Variants in DLGAP3 observed in about 807,000 individuals in gnomAD.
DLGAP3 encodes DLG associated protein 3.
A neutral mutation model predicts 81.2 loss-of-function variants in DLGAP3; 17 were observed. The observed-to-expected ratio is 0.21, with a 90% confidence interval of 0.14 to 0.31. DLGAP3 has a LOEUF of 0.31. DLGAP3 is among the 10% of genes least tolerant of loss of function. DLGAP3 has a pLI of 1.00. For missense variants in DLGAP3, 1,124 were observed against 1,388.0 expected, an observed-to-expected ratio of 0.81 and a Z score of 3.02; for synonymous variants, 577 against 587.4, an observed-to-expected ratio of 0.98 and a Z score of 0.26.
chr1:34,922,526 A>G (rs1051084748), intron 1 of DLGAP3, among the ~76,000 whole-genome samples: 1 of 150,982 alleles, frequency 6.6e-6, no homozygotes, highest in African/African-American at 2.4e-5. Flanking sequence ...TAAGCACACC[A>G]CACACACACA....
At chr1:34,907,832 G>T (rs1318422630) in intron 1 of DLGAP3, among the ~76,000 whole-genome samples, 1 of 152,144 alleles carries the variant, frequency 6.6e-6, no homozygotes, top group Non-Finnish European at 1.5e-5. Context: ...TCCTCGAGGG[G>T]TTTATAGTCT....
chr1:34,873,858 AGGAT>A lies in DLGAP3; in HGVS notation c.2001-4773_2001-4770del, dbSNP rs1383698168. Among the ~76,000 whole-genome samples the A allele has an allele frequency of 1.3e-5, 2 of 151,590 alleles. No individual in the cohort carries two copies. Among genetic ancestry groups the A allele is most frequent in the Non-Finnish European group, 2.9e-5 (2 of 67,970 alleles). ...TTGGTTGGTTGGTTGGTTGGAAGGA[AGGAT>A]GGTAGAGACCACTAACTGTCTTCCA... is the stretch of plus-strand genomic sequence containing the variant. On this transcript the variant is annotated intron_variant, in intron 8 of 11. Coordinates refer to ENST00000373347, the MANE Select transcript of DLGAP3 (RefSeq NM_001080418.3). This position sits in a 1 kb window ranked among gnomAD's most constrained non-coding sequence, Gnocchi z 4.2.
chr1:34,867,571 C>T lies in DLGAP3; in HGVS notation c.2542G>A (p.Val848Ile), dbSNP rs776457680. Reference protein sequence around the residue: ...GSTQLLLSQKVQQFFRLCQQS... With the variant: ...GSTQLLLSQKIQQFFRLCQQS... The stretch of plus-strand genomic sequence containing the variant: ...TGACACAGCCGGAAGAACTGCTGAA[C>T]CTTCTGGGACAGGAGAAGTTGTGTG... Residue 848 changes from valine to isoleucine, a missense_variant, in exon 10 of 12, where the codon GTT (valine) becomes ATT (isoleucine). This residue lies in a region of DLGAP3 where 5 missense variants were observed against 29.5 expected (regional missense o/e 0.17). Coordinates refer to ENST00000373347, the MANE Select transcript of DLGAP3 (RefSeq NM_001080418.3). This position sits in a 1 kb window ranked among gnomAD's most constrained non-coding sequence, Gnocchi z 4.3. 1.2e-6 allele frequency: 2 copies of T among 1,614,160 alleles called. No homozygotes were observed. Among genetic ancestry groups the T allele is most frequent in the Non-Finnish European group, 1.7e-6 (2 of 1,179,980 alleles).
At chr1:34,899,614 T>C in intron 5 of DLGAP3, 55 bp downstream of exon 5, 3 of 1,433,300 alleles carry the variant, frequency 2.1e-6, no homozygotes, top group South Asian at 1.1e-5. Flanking sequence ...AAGCTGAGCA[T>C]GGGACTGAAT....
chr1:34,897,448 C>T (rs1277114685), intron 5 of DLGAP3, among the ~76,000 whole-genome samples: 3 of 152,064 alleles, frequency 2.0e-5, no homozygotes, highest in Non-Finnish European at 2.9e-5. Context: ...GGGAAGGGGA[C>T]ATCCAGGCAA....
In DLGAP3 at chr1:34,885,027, T is replaced by C. The variant is rs1462730790; in HGVS notation, c.1951A>G (p.Ser651Gly). 6.2e-7 allele frequency: 1 copy of C among 1,613,354 alleles called. No individual in the cohort carries two copies. Among genetic ancestry groups the C allele is most frequent in the Non-Finnish European group, 8.5e-7 (1 of 1,179,914 alleles). The change falls in exon 8 of 12, where the codon AGC (serine) becomes GGC (glycine). Residue 651 changes from serine to glycine, a missense_variant. Coordinates refer to ENST00000373347, the MANE Select transcript of DLGAP3 (RefSeq NM_001080418.3). ...CCAATAGAGTGGAACTCCCTCCGGC[T>C]CCTGTTCTCGGTGTCCGAATCTGAG... ...TISDSDTENR[S>G]RREFHSIGVQ...
chr1:34,884,877 G>A (rs1639193913), intron 8 of DLGAP3, 101 bp downstream of exon 8: 1 of 948,974 alleles, frequency 1.1e-6, no homozygotes, highest in Non-Finnish European at 1.7e-6. Context: ...TCACTTCCAG[G>A]AAAAGAGGAT....
At chr1:34,903,264 A>G (rs564519226) in intron 3 of DLGAP3, among the ~76,000 whole-genome samples, 232 of 152,278 alleles carry the variant, frequency 1.5e-3, no homozygotes, top group African/African-American at 5.4e-3. Context: ...CAAGATGCCC[A>G]GGGCTCTCCC....
rs1355348711 is a variant in DLGAP3, at chr1:34,885,584, C to T, written c.1808G>A (p.Arg603Gln). The T allele has an allele frequency of 3.1e-6, 5 of 1,597,782 alleles. No individual in the cohort carries two copies. In the South Asian group the frequency reaches 4.4e-5, roughly 14 times the overall value. ...RTLELAPVPP[R>Q]ASPKPPTLII... ...GAGTGTGGGGGGCTTGGGGCTGGCC[C>T]GGGGCGGCACCGGCGCCAACTCCAG... The change falls in exon 7 of 12, where the codon CGG becomes CAG. Residue 603 changes from arginine (R) to glutamine (Q), a missense_variant. By Grantham distance (43) the Arg-to-Gln change is conservative. This residue lies in a region of DLGAP3 where 379 missense variants were observed against 455.7 expected (regional missense o/e 0.83). Coordinates refer to ENST00000373347, the MANE Select transcript of DLGAP3 (RefSeq NM_001080418.3).
chr1:34,887,115 C>T (rs1020626155), intron 5 of DLGAP3, among the ~76,000 whole-genome samples: 1 of 151,874 alleles, frequency 6.6e-6, no homozygotes, highest in Non-Finnish European at 1.5e-5. Context: ...CCACGACGCC[C>T]GGCTAATTTT....
chr1:34,879,027 G>GCGCCACTGCA (rs1639102305), intron 8 of DLGAP3, among the ~76,000 whole-genome samples: 1 of 149,660 alleles, frequency 6.7e-6, no homozygotes, highest in South Asian at 2.1e-4. Flanking sequence ...AGCCGAGATC[G>GCGCCACTGCA]CGCCACTGCA....
intron 5 of DLGAP3, among the ~76,000 whole-genome samples, chr1:34,888,706 T>G (rs982383581): frequency 6.6e-6 from 1 of 151,442 alleles, no homozygotes; most frequent in African/African-American, 2.4e-5. Context: ...TCTCTCATAT[T>G]TGACTGACAC....
chr1:34,869,091 T>G lies in DLGAP3; in HGVS notation c.2001-2A>C. 1 of 1,584,382 alleles carries G rather than the reference T, an allele frequency of 6.3e-7. No homozygotes were observed. The highest frequency in any genetic ancestry group is 8.6e-7 in the Non-Finnish European group (1 of 1,169,310). On this transcript the variant is annotated splice_acceptor_variant, in intron 8 of 11. Transcript: ENST00000373347. LOFTEE classifies it high-confidence loss of function. The stretch of plus-strand genomic sequence containing the variant: ...TTGGAGCGCTTGAACCTTGCTCGCC[T>G]GGGGAGAGGGGTGGCTGTCATCCCC...
At chr1:34,916,656 ATTTTATTTTATTTTATT>A (rs1639720300) in intron 1 of DLGAP3, among the ~76,000 whole-genome samples, 1 of 1,198 alleles carries the variant, frequency 8.3e-4, no homozygotes, top group African/African-American at 1.1e-3. Context: ...TTTTTATTTT[ATTTTATTTTATTTTATT>A]TTATTTTATT....
At chr1:34,918,096 G>T (rs189651993) in intron 1 of DLGAP3, among the ~76,000 whole-genome samples, 1 of 152,182 alleles carries the variant, frequency 6.6e-6, no homozygotes, top group African/African-American at 2.4e-5. Context: ...ACCCTCAGAG[G>T]GGGGGTCTCT....
In DLGAP3 at chr1:34,868,270, C is replaced by G. The variant is rs140581901; in HGVS notation, c.2485+335G>C. On this transcript the variant is annotated intron_variant, in intron 9 of 11. Transcript: ENST00000373347. The surrounding 1 kb of genome is among the most constrained non-coding windows in gnomAD (Gnocchi z 7.5). ...GGTCGCACCACCTGGATCCCCACAC[C>G]AGTCCAGATCTGAACGGAGTTCCCT... Among the ~76,000 whole-genome samples, 54 of 152,316 alleles carry G rather than the reference C, an allele frequency of 3.5e-4. 2 individuals carry two copies. Among genetic ancestry groups the G allele is most frequent in the African/African-American group, 1.3e-3 (54 of 41,560 alleles).
chr1:34,927,825 C>G (rs1213921564), intron 1 of DLGAP3, among the ~76,000 whole-genome samples: 1 of 152,134 alleles, frequency 6.6e-6, no homozygotes, highest in African/African-American at 2.4e-5. Context: ...AAGTACCACT[C>G]TCTAACCTTG....
intron 1 of DLGAP3, among the ~76,000 whole-genome samples, chr1:34,913,679 G>T (rs1433789897): frequency 1.3e-5 from 2 of 152,162 alleles, no homozygotes; most frequent in Non-Finnish European, 2.9e-5. Flanking sequence ...TGAGTGTCTA[G>T]AACAATGCCT....
At chr1:34,912,416 GAAGACTTC>G (rs1465577230) in intron 1 of DLGAP3, among the ~76,000 whole-genome samples, 11 of 152,180 alleles carry the variant, frequency 7.2e-5, no homozygotes, top group African/African-American at 2.4e-4. Flanking sequence ...GGGCCAAGAT[GAAGACTTC>G]AAAAGTCAAA....
Sources: gnomAD v4.1 joint callset for allele counts (sites outside exome capture counted in the v4.1 genomes callset) on GRCh38, gnomAD v4.1.1 for gene constraint, gnomAD v4.1.1 regional missense constraint, Gnocchi (gnomAD v3.1) non-coding constraint, MANE v1.5 for transcripts, NCBI Gene and HGNC (gene_info 2026-07-23, HGNC 2026-07-21) for gene names.